USB1: variants seen among roughly 807,000 people sequenced by gnomAD.
USB1 encodes the protein U6 snRNA phosphodiesterase 1.
In USB1, 21 loss-of-function variants were observed where a neutral mutation model predicts 29.9. The observed-to-expected ratio is 0.70, with a 90% CI of 0.50 to 1.01. The LOEUF (loss-of-function observed/expected upper bound fraction) is 1.01. Among genes scored for constraint, USB1 ranks in the 50% least tolerant of loss-of-function variants. The probability of loss-of-function intolerance (pLI) is 0.00; values close to 1 mark genes in which losing one functional copy is unlikely to be tolerated. For missense variants in USB1, 330 were observed against 347.1 expected, an observed-to-expected ratio of 0.95 and a Z score of 0.39; for synonymous variants, 143 against 134.9, an observed-to-expected ratio of 1.06 and a Z score of -0.42.
chr16:58,008,161 A>G (rs1963405193), intron 2 of USB1, among the ~76,000 whole-genome samples: 1 of 152,168 alleles, frequency 6.6e-6, no homozygotes. Context: ...TTTATTATCC[A>G]TGGGATCTGT....
rs570906982 is a variant in USB1, at chr16:58,014,067, T to A, written c.450-206T>A. The A allele has an allele frequency of 6.4e-5, 37 of 576,498 alleles. No homozygotes were observed. In the East Asian group the frequency reaches 9.2e-4, roughly 14 times the overall value. The allele number at this position is 576,498 out of a possible 1,614,324, so 35.7% of individuals were successfully genotyped here. Reference sequence around the variant, plus strand: ...AATTTTTACTAGCACCTGGATGATGTTGTGTGTTACTCGGGCTGGGTGATT... The same window carrying A: ...AATTTTTACTAGCACCTGGATGATGATGTGTGTTACTCGGGCTGGGTGATT... On this transcript the variant is annotated intron_variant, in intron 3 of 6. Transcript: ENST00000219281.
chr16:58,004,730 A>G (rs768921273), intron 2 of USB1, among the ~76,000 whole-genome samples: 9 of 152,234 alleles, frequency 5.9e-5, no homozygotes, highest in East Asian at 1.9e-4. Context: ...CTTTCTGTCT[A>G]TAAACATAGA....
Position 58,013,722 on chromosome 16 carries a change from C to T in USB1, c.450-551C>T, listed in dbSNP as rs1459938190. 3 of 719,440 alleles carry T rather than the reference C, an allele frequency of 4.2e-6. No individual in the cohort carries two copies. Among genetic ancestry groups the T allele is most frequent in the Non-Finnish European group, 5.1e-6 (3 of 585,052 alleles). 44.6% of individuals were successfully genotyped at this position (719,440 alleles called of 1,614,324 possible). On this transcript the variant is annotated intron_variant, in intron 3 of 6. Transcript: ENST00000219281. The surrounding 1 kb of genome is among the most constrained non-coding windows in gnomAD (Gnocchi z 4.3). ...GGCAGACTGACTGTTCCAATCCTGGCTCACCAAATTCAGCTTCACCATGCC... is the reference window on the plus strand; with the variant it reads ...GGCAGACTGACTGTTCCAATCCTGGTTCACCAAATTCAGCTTCACCATGCC...
Position 58,009,974 on chromosome 16 carries a change from C to G in USB1, c.311C>G (p.Pro104Arg). The G allele has an allele frequency of 6.2e-7, 1 of 1,614,016 alleles. No individual in the cohort carries two copies. Among genetic ancestry groups the G allele is most frequent in the African/African-American group, 1.3e-5 (1 of 74,984 alleles). ...CTGGATCTGCTTGATGTGTTGCTGC[C>G]CCATGCCCAGACATATGTCCCCCGG... ...EFLDLLDVLLPHAQTYVPRLV... is the reference protein window; with the variant it reads ...EFLDLLDVLLRHAQTYVPRLV... The change falls in exon 3 of 7, where the codon CCC becomes CGC. Residue 104 changes from proline (P) to arginine (R), a missense_variant. Pro to Arg is a moderately radical substitution (Grantham distance 103, BLOSUM62 -2). Coordinates refer to ENST00000219281, the MANE Select transcript of USB1 (RefSeq NM_024598.4).
intron 2 of USB1, among the ~76,000 whole-genome samples, chr16:58,007,418 G>A (rs1963386185): frequency 6.6e-6 from 1 of 152,058 alleles, no homozygotes; most frequent in Non-Finnish European, 1.5e-5. Context: ...GTCTCACTCT[G>A]TTGCCCAGGA....
chr16:58,001,116 G>C (rs1963173082), upstream of USB1, among the ~76,000 whole-genome samples: 4 of 152,172 alleles, frequency 2.6e-5, no homozygotes, highest in South Asian at 2.1e-4. Flanking sequence ...GGTCTCCGCT[G>C]GGTCTAGTGC....
At chr16:58,014,847 TG>T (rs1363464107) in intron 4 of USB1, among the ~76,000 whole-genome samples, 4 of 151,902 alleles carry the variant, frequency 2.6e-5, no homozygotes, top group Admixed American at 1.3e-4. Flanking sequence ...GAGGCCAAGG[TG>T]GGCAGATCAC....
At chr16:57,999,724 G>A (rs1164896963), upstream of USB1, 1 of 152,486 alleles carries the variant, frequency 6.6e-6, no homozygotes, top group Non-Finnish European at 1.5e-5. Context: ...AGCATCTTCC[G>A]GAAGGGAGGG....
At chr16:58,012,427 G>A in intron 3 of USB1, 1 of 1,292,076 alleles carries the variant, frequency 7.7e-7, no homozygotes, top group Non-Finnish European at 1.1e-6. Flanking sequence ...GCTCATGCAT[G>A]AGTGGACCGG....
In USB1 at chr16:58,020,329, A is replaced by G. The variant is rs1963707688; in HGVS notation, c.*84A>G. ...TGCTAAAATCGATGGAGATGCTTCT[A>G]GCCTCCCAGTAGGAGGCCCCAGCCA... On this transcript the variant is annotated 3_prime_UTR_variant, in exon 7 of 7. Transcript: ENST00000219281. 5 of 1,371,212 alleles carry G rather than the reference A, an allele frequency of 3.6e-6. No individual in the cohort carries two copies. The highest frequency in any genetic ancestry group is 4.1e-6 in the Non-Finnish European group (4 of 972,994). 84.9% of individuals were successfully genotyped at this position (1,371,212 alleles called of 1,614,324 possible). A position where few individuals can be genotyped will look rare whatever the true frequency, so the allele number is the denominator to read the frequency against.
chr16:58,005,209 T>C (rs1387303487), intron 2 of USB1, among the ~76,000 whole-genome samples: 2 of 151,956 alleles, frequency 1.3e-5, no homozygotes, highest in African/African-American at 2.4e-5. Flanking sequence ...CACAGGGAGA[T>C]GGTTAGGCCT....
intron 2 of USB1, among the ~76,000 whole-genome samples, chr16:58,004,622 T>A (rs1229984750): frequency 1.3e-5 from 2 of 152,200 alleles, no homozygotes; most frequent in Non-Finnish European, 2.9e-5. Context: ...TAGAATCCGT[T>A]TGTCAGTATC....
At position 58,014,307 on chromosome 16, in the gene USB1, A is replaced by C. The variant is rs1963565496; in HGVS notation, c.484A>C (p.Thr162Pro). The change falls in exon 4 of 7, where the codon ACC becomes CCC. Residue 162 changes from threonine (T) to proline (P), a missense_variant. By Grantham distance (38) the Thr-to-Pro change is conservative. Coordinates refer to ENST00000219281, the MANE Select transcript of USB1 (RefSeq NM_024598.4). ...TACTGCCAACCAGGTAAAGATTTAC[A>C]CCAATCAAGAGAAAACCAGGTGGGT... ...FFTANQVKIY[T>P]NQEKTRTFIG... 1.2e-6 allele frequency: 2 copies of C among 1,613,750 alleles called. No homozygotes were observed. Among genetic ancestry groups the C allele is most frequent in the Admixed American group, 3.3e-5 (2 of 60,012 alleles).
At chr16:58,008,422 C>T (rs1963409714) in intron 2 of USB1, among the ~76,000 whole-genome samples, 1 of 150,082 alleles carries the variant, frequency 6.7e-6, no homozygotes, top group Admixed American at 6.6e-5. Flanking sequence ...AGATGAAACT[C>T]AGATGATTGA....
intron 2 of USB1, among the ~76,000 whole-genome samples, chr16:58,006,401 T>C (rs1045409864): frequency 6.7e-6 from 1 of 148,592 alleles, no homozygotes; most frequent in Non-Finnish European, 1.5e-5. Flanking sequence ...GGCTCACACC[T>C]GTAATCCCAG....
At chr16:58,019,403 A>C (rs1174256237) in intron 6 of USB1, among the ~76,000 whole-genome samples, 1 of 152,156 alleles carries the variant, frequency 6.6e-6, no homozygotes, top group East Asian at 1.9e-4. Context: ...GCTTTCCCTG[A>C]AGTCCTAGCC....
Position 58,002,558 on chromosome 16 carries a change from C to A in USB1, c.178C>A (p.Pro60Thr). The change falls in exon 2 of 7, where the codon CCT (proline) becomes ACT (threonine). Residue 60 changes from proline to threonine, a missense_variant. Pro to Thr is a conservative substitution (Grantham distance 38). Transcript: ENST00000219281. ...LNMFPGTEEG[P>T]EDDSTKHGGR... ...CATGTTCCCGGGCACCGAGGAGGGG[C>A]CTGAAGATGACAGCACAAAACACGG... 6.2e-7 allele frequency: 1 copy of A among 1,614,120 alleles called. No homozygotes were observed. The highest frequency in any genetic ancestry group is 8.5e-7 in the Non-Finnish European group (1 of 1,180,034).
chr16:58,000,556 G>A (rs1298611934), upstream of USB1: 1 of 150,222 alleles, frequency 6.7e-6, no homozygotes, highest in Non-Finnish European at 1.5e-5. The surrounding 1 kb of genome is among the most constrained non-coding windows in gnomAD (Gnocchi z 4.5). Context: ...CGGGGGCGGG[G>A]GACGGGCTAG....
Position 58,013,512 on chromosome 16 carries a change from G to A in USB1, c.450-761G>A, listed in dbSNP as rs1373162412. 12 of 979,828 alleles carry A rather than the reference G, an allele frequency of 1.2e-5. No homozygotes were observed. The East Asian group carries it at 1.3e-3, about 105-fold the overall frequency. The allele number at this position is 979,828 out of a possible 1,614,324, so 60.7% of individuals were successfully genotyped here. A position where few individuals can be genotyped will look rare whatever the true frequency, so the allele number is the denominator to read the frequency against. On this transcript the variant is annotated intron_variant, in intron 3 of 6. Coordinates refer to ENST00000219281, the MANE Select transcript of USB1 (RefSeq NM_024598.4). The surrounding 1 kb of genome is among the most constrained non-coding windows in gnomAD (Gnocchi z 4.3). ...TGAGGAGACTTTCCATGGTGAGATT[G>A]CTAGTGTCTCAGAGAATAAAGGACA...
Sources: allele counts gnomAD v4.1 joint callset (sites outside exome capture counted in the v4.1 genomes callset), GRCh38; gene constraint gnomAD v4.1.1; non-coding constraint Gnocchi (gnomAD v3.1); transcripts MANE v1.5; gene names NCBI Gene and HGNC (gene_info 2026-07-23, HGNC 2026-07-21).